CAST: variants seen among roughly 807,000 people sequenced by gnomAD.
CAST encodes the protein calpastatin.
A neutral mutation model predicts 119.6 loss-of-function variants in CAST; 76 were observed. That is an observed-to-expected ratio of 0.64 (90% CI 0.53 to 0.77). The LOEUF is 0.77. Among genes scored for constraint, CAST ranks in the 30% least tolerant of loss-of-function variants. The probability of loss-of-function intolerance (pLI) is 0.00; values close to 1 mark genes in which losing one functional copy is unlikely to be tolerated. For missense variants in CAST, 953 were observed against 946.5 expected (o/e 1.01, Z -0.09); for synonymous variants, 319 against 331.6 (o/e 0.96, Z 0.41).
intron 1 of CAST, among the ~76,000 whole-genome samples, chr5:96,596,788 A>C (rs1351277049): frequency 2.0e-5 from 3 of 152,118 alleles, no homozygotes; most frequent in Non-Finnish European, 4.4e-5. Flanking sequence ...GTTTTTTCTC[A>C]CAGTCTGGAG....
At chr5:96,022,603 A>G in the CAST span, among the ~76,000 whole-genome samples, 1 of 152,214 alleles carries the variant, frequency 6.6e-6, no homozygotes, top group Admixed American at 6.5e-5. Flanking sequence ...TTAATTCACG[A>G]CATACAATCC....
At chr5:96,178,701 CA>C in the CAST span, among the ~76,000 whole-genome samples, 1,789 of 152,206 alleles carry the variant, frequency 0.012, 133 homozygotes, top group Admixed American at 0.11. Flanking sequence ...TGGTTGAAGA[CA>C]ATCTGAAGGG....
At chr5:96,725,523 C>T (rs1434777248) in intron 4 of CAST, among the ~76,000 whole-genome samples, 3 of 152,116 alleles carry the variant, frequency 2.0e-5, no homozygotes, top group Admixed American at 1.3e-4. Flanking sequence ...ATACTTGTCT[C>T]ATAGGATTAT....
chr5:96,565,975 C>A (rs1746460932), intron 1 of CAST, among the ~76,000 whole-genome samples: 1 of 152,136 alleles, frequency 6.6e-6, no homozygotes, highest in African/African-American at 2.4e-5. Flanking sequence ...CACAATTTAT[C>A]CTAACTGAAA....
the CAST span, among the ~76,000 whole-genome samples, chr5:96,073,479 C>T: frequency 1.3e-5 from 2 of 152,224 alleles, no homozygotes; most frequent in South Asian, 4.2e-4. Context: ...GCATTGAAAC[C>T]CAGGTAGATC....
At chr5:96,251,845 C>T in the CAST span, among the ~76,000 whole-genome samples, 1 of 152,096 alleles carries the variant, frequency 6.6e-6, no homozygotes, top group Admixed American at 6.6e-5. Context: ...CAATAGTTAA[C>T]GAATGGTCTC....
chr5:96,561,710 A>G (rs1746365095), intron 1 of CAST, among the ~76,000 whole-genome samples: 1 of 151,880 alleles, frequency 6.6e-6, no homozygotes, highest in South Asian at 2.1e-4. Flanking sequence ...TTAAAGTACA[A>G]TAAAAAAATT....
the CAST span, among the ~76,000 whole-genome samples, chr5:96,112,797 C>A: frequency 6.6e-6 from 1 of 152,172 alleles, no homozygotes; most frequent in Non-Finnish European, 1.5e-5. Flanking sequence ...AACAACTGGA[C>A]AAAATCATGT....
the CAST span, among the ~76,000 whole-genome samples, chr5:96,466,583 T>C: frequency 6.6e-6 from 1 of 151,970 alleles, no homozygotes. Context: ...GGTTTTTTTT[T>C]CCATAAACAG....
chr5:96,633,051 A>G (rs765457284), intron 1 of CAST, among the ~76,000 whole-genome samples: 3 of 152,076 alleles, frequency 2.0e-5, no homozygotes, highest in Admixed American at 1.3e-4. Flanking sequence ...AGCTCACTGA[A>G]ACTTCTGCCA....
At chr5:96,144,711 A>G in the CAST span, among the ~76,000 whole-genome samples, 1 of 151,394 alleles carries the variant, frequency 6.6e-6, no homozygotes, top group Non-Finnish European at 1.5e-5. Flanking sequence ...TTGTGTCACC[A>G]AGGTGTAGTG....
chr5:95,987,213 C>G, the CAST span, among the ~76,000 whole-genome samples: 1 of 152,160 alleles, frequency 6.6e-6, no homozygotes, highest in Non-Finnish European at 1.5e-5. Flanking sequence ...AGCTCTGTGA[C>G]CTCACCTTAG....
chr5:96,742,931 C>T (rs1468243568), intron 16 of CAST, among the ~76,000 whole-genome samples, 175 bp downstream of exon 16: 2 of 152,218 alleles, frequency 1.3e-5, no homozygotes, highest in Non-Finnish European at 2.9e-5. Flanking sequence ...AGTTACATGA[C>T]TGACTTGTGA....
chr5:96,138,311 G>A, the CAST span, among the ~76,000 whole-genome samples: 3 of 151,586 alleles, frequency 2.0e-5, no homozygotes, highest in Non-Finnish European at 2.9e-5. Flanking sequence ...ATTTATGTAG[G>A]TCTATTTCTG....
chr5:96,240,633 A>C, the CAST span, among the ~76,000 whole-genome samples: 4,681 of 151,748 alleles, frequency 0.031, 240 homozygotes, highest in African/African-American at 0.11. Flanking sequence ...GCATGATCAT[A>C]GTTCACTGCA....
the CAST span, among the ~76,000 whole-genome samples, chr5:96,355,758 G>A: frequency 6.6e-6 from 1 of 152,006 alleles, no homozygotes; most frequent in Admixed American, 6.6e-5. Flanking sequence ...CTTGAGTGCA[G>A]TGACGTGATC....
chr5:96,484,987 G>A, the CAST span, among the ~76,000 whole-genome samples: 1 of 152,118 alleles, frequency 6.6e-6, no homozygotes. Flanking sequence ...GGCAAAGATT[G>A]AAGTAAACAA....
chr5:96,619,757 G>T (rs756236528), intron 1 of CAST, among the ~76,000 whole-genome samples: 1 of 150,450 alleles, frequency 6.6e-6, no homozygotes, highest in Non-Finnish European at 1.5e-5. Context: ...AACACTCACC[G>T]CGAGGGTCCG....
At chr5:96,754,828 A>G in intron 22 of CAST, 87 bp downstream of exon 22, 1 of 777,950 alleles carries the variant, frequency 1.3e-6, no homozygotes, top group South Asian at 1.5e-5. Flanking sequence ...CAGAACTGGA[A>G]TATAAAGATC....
Sources: gnomAD v4.1 joint callset for allele counts (sites outside exome capture counted in the v4.1 genomes callset) on GRCh38, gnomAD v4.1.1 for gene constraint, MANE v1.5 for transcripts, NCBI Gene and HGNC (gene_info 2026-07-23, HGNC 2026-07-21) for gene names.